The following PLA2R1 variants were observed in gnomAD, a reference collection of about 807,000 sequenced individuals.
PLA2R1 encodes phospholipase A2 receptor 1, also known as secretory phospholipase A2 receptor.
A neutral mutation model predicts 195.9 loss-of-function variants in PLA2R1; 158 were observed. That is an observed-to-expected ratio of 0.81 (90% CI 0.71 to 0.92). The LOEUF (loss-of-function observed/expected upper bound fraction) is 0.92. Ranked by LOEUF, PLA2R1 falls within the 40% of genes least tolerant of loss-of-function variation. The pLI, the probability that PLA2R1 is intolerant of heterozygous loss-of-function variation, is 0.00. For synonymous variants in PLA2R1, 586 were observed against 598.2 expected (o/e 0.98, Z 0.30); for missense variants, 1,626 against 1,764.6 (o/e 0.92, Z 1.41).
At chr2:159,977,493 G>A (rs1298949579) in intron 14 of PLA2R1, 77 bp from the exon 15 acceptor site, 11 of 1,313,786 alleles carry the variant, frequency 8.4e-6, no homozygotes, top group African/African-American at 1.5e-5. Context: ...GGGCATCCCT[G>A]TACATAAGCA....
chr2:160,054,950 C>T (rs1431067269), intron 1 of PLA2R1, among the ~76,000 whole-genome samples: 1 of 152,088 alleles, frequency 6.6e-6, no homozygotes, highest in East Asian at 1.9e-4. Flanking sequence ...GGATTGAGTT[C>T]AGAAGAGGCA....
chr2:160,061,909 T>G (rs1185778003), intron 1 of PLA2R1, among the ~76,000 whole-genome samples: 2 of 152,136 alleles, frequency 1.3e-5, no homozygotes, highest in Non-Finnish European at 2.9e-5. Flanking sequence ...GCCATCTTTT[T>G]GCTATCATTT....
chr2:160,002,429 G>C (rs1054789855), intron 11 of PLA2R1, among the ~76,000 whole-genome samples: 5 of 151,956 alleles, frequency 3.3e-5, no homozygotes, highest in Admixed American at 1.3e-4. Context: ...TAGTTCTGTA[G>C]AGAATAAAAG....
rs150424008 is a variant in PLA2R1, at chr2:159,949,923, T to C, written c.3541-147A>G. The C allele has an allele frequency of 4.8e-4, 295 of 609,768 alleles. No homozygotes were observed. In the African/African-American group the frequency reaches 4.9e-3, roughly 10 times the overall value. 37.8% of individuals were successfully genotyped at this position (609,768 alleles called of 1,614,324 possible). A position where few individuals can be genotyped will look rare whatever the true frequency, so the allele number is the denominator to read the frequency against. On this transcript the variant is annotated intron_variant, in intron 24 of 29. Coordinates refer to ENST00000283243, the MANE Select transcript of PLA2R1 (RefSeq NM_007366.5). ...GGCTAGGACATCTGTGAATACAGCT[T>C]GACAAACAGGAATATCTGCCACAAA...
At chr2:160,061,324 C>T (rs1037718390) in intron 1 of PLA2R1, among the ~76,000 whole-genome samples, 13 of 152,158 alleles carry the variant, frequency 8.5e-5, no homozygotes, top group Admixed American at 1.3e-4. Flanking sequence ...ATCTCTCCTC[C>T]CTCTCTTTAC....
intron 11 of PLA2R1, among the ~76,000 whole-genome samples, chr2:159,990,939 C>T (rs1338973154): frequency 1.3e-5 from 2 of 151,536 alleles, no homozygotes; most frequent in Non-Finnish European, 2.9e-5. Context: ...ACTTCAGAAA[C>T]TCTTTGAGAC....
At chr2:159,967,316 T>C (rs1431545517) in intron 20 of PLA2R1, among the ~76,000 whole-genome samples, 1 of 152,136 alleles carries the variant, frequency 6.6e-6, no homozygotes. Flanking sequence ...AAACTGAGTA[T>C]AGAAACGAGG....
At chr2:159,944,755 T>C (rs1687280698) in intron 28 of PLA2R1, 151 bp downstream of exon 28, 4 of 527,200 alleles carry the variant, frequency 7.6e-6, no homozygotes, top group Non-Finnish European at 1.0e-5. Flanking sequence ...AACTATTCTC[T>C]GACTTGTTTG....
intron 17 of PLA2R1, among the ~76,000 whole-genome samples, chr2:159,975,780 T>C (rs1689507035): frequency 6.6e-6 from 1 of 152,144 alleles, no homozygotes. Context: ...AATGATCGAA[T>C]GAACCTCATG....
chr2:160,048,491 CT>C (rs902000663), intron 1 of PLA2R1, among the ~76,000 whole-genome samples: 1 of 152,188 alleles, frequency 6.6e-6, no homozygotes, highest in Admixed American at 6.5e-5. Context: ...CATAAATTCA[CT>C]GAAAAGAATT....
chr2:159,948,077 TTATTTCAGAGAGC>T (rs1385657489), intron 25 of PLA2R1, among the ~76,000 whole-genome samples: 1 of 152,136 alleles, frequency 6.6e-6, no homozygotes, highest in African/African-American at 2.4e-5. Flanking sequence ...CAGAGGGACT[TTATTTCAGAGAGC>T]AAGCATGAGA....
chr2:160,045,171 CA>C lies in PLA2R1; in HGVS notation c.110-15del, dbSNP rs772174492. On this transcript the variant is annotated splice_polypyrimidine_tract_variant and intron_variant, in intron 1 of 29. Transcript: ENST00000283243. Reference sequence around the variant, plus strand: ...ATATTCCTTTATCTGAAACAAAAATCAAAGATGTGGCATGAAATTTTCATAT... The same window carrying C: ...ATATTCCTTTATCTGAAACAAAAATCAAGATGTGGCATGAAATTTTCATAT... 20 of 1,576,494 alleles carry C rather than the reference CA, an allele frequency of 1.3e-5. No individual in the cohort carries two copies. Among genetic ancestry groups the C allele is most frequent in the Admixed American group, 5.3e-5 (3 of 56,750 alleles).
intron 17 of PLA2R1, among the ~76,000 whole-genome samples, chr2:159,971,980 G>A (rs1044416292): frequency 3.3e-5 from 5 of 152,132 alleles, no homozygotes; most frequent in African/African-American, 4.8e-5. Flanking sequence ...ATTGTCAGAC[G>A]TTGGAATGGG....
At chr2:160,050,770 A>G (rs537943646) in intron 1 of PLA2R1, among the ~76,000 whole-genome samples, 2 of 152,358 alleles carry the variant, frequency 1.3e-5, no homozygotes, top group South Asian at 4.1e-4. Context: ...ATATTTTGAC[A>G]TAGGAGATAT....
chr2:159,961,580 G>C (rs1160329887), intron 20 of PLA2R1, among the ~76,000 whole-genome samples: 1 of 152,140 alleles, frequency 6.6e-6, no homozygotes, highest in Non-Finnish European at 1.5e-5. Context: ...CTACATGAGG[G>C]TGTTTTAATC....
intron 11 of PLA2R1, among the ~76,000 whole-genome samples, chr2:160,001,262 T>C (rs914935221): frequency 3.9e-5 from 6 of 152,058 alleles, no homozygotes; most frequent in Non-Finnish European, 8.8e-5. Context: ...TTGTTAAGAA[T>C]GCATGTTGAA....
intron 11 of PLA2R1, among the ~76,000 whole-genome samples, chr2:160,003,349 T>C (rs1441211269): frequency 6.6e-6 from 1 of 152,036 alleles, no homozygotes; most frequent in Non-Finnish European, 1.5e-5. Context: ...AAGTTTAACA[T>C]TTATGTGTGA....
chr2:159,979,847 A>C lies in PLA2R1; in HGVS notation c.2251T>G (p.Trp751Gly). ...AGACTTACAGGAGTTCTATCAGACC[A>C]CTCCCATGAGCCGGCATTCAGTGGG... ...RNPLNAGSWE[W>G]SDRTPVVSSF... is the part of the protein sequence containing the mutation. The change falls in exon 14 of 30, where the codon TGG becomes GGG. Residue 751 changes from tryptophan to glycine, a missense_variant. Transcript: ENST00000283243. The C allele has an allele frequency of 6.3e-7, 1 of 1,597,848 alleles. No individual in the cohort carries two copies. The highest frequency in any genetic ancestry group is 8.6e-7 in the Non-Finnish European group (1 of 1,166,248).
intron 13 of PLA2R1, among the ~76,000 whole-genome samples, chr2:159,982,191 T>C (rs942618619): frequency 2.6e-5 from 4 of 152,214 alleles, no homozygotes; most frequent in Non-Finnish European, 4.4e-5. Context: ...GCTAAAGTAA[T>C]GAAGCAAAAT....
Sources: gnomAD v4.1 joint callset for allele counts (sites outside exome capture counted in the v4.1 genomes callset) on GRCh38, gnomAD v4.1.1 for gene constraint, MANE v1.5 for transcripts, NCBI Gene and HGNC (gene_info 2026-07-23, HGNC 2026-07-21) for gene names.